Variants in SLC35F1 observed in about 807,000 individuals in gnomAD.
The protein encoded by SLC35F1 is chromosome 6 open reading frame 169.
A neutral mutation model predicts 48.7 loss-of-function variants in SLC35F1; 14 were observed. That is an observed-to-expected ratio of 0.29 (90% confidence interval 0.19 to 0.45). The LOEUF (loss-of-function observed/expected upper bound fraction) is 0.45, where lower values mean the gene tolerates loss of function less well. SLC35F1 is among the 20% of genes least tolerant of loss of function. The pLI is 1.00. For missense variants in SLC35F1, 404 were observed against 500.0 expected (o/e 0.81, Z 1.83); for synonymous variants, 190 against 202.2 (o/e 0.94, Z 0.51).
At chr6:118,287,850 T>C (rs1776069732) in intron 7 of SLC35F1, among the ~76,000 whole-genome samples, 1 of 152,202 alleles carries the variant, frequency 6.6e-6, no homozygotes, top group African/African-American at 2.4e-5. Flanking sequence ...ATTTGTATAT[T>C]ACTATTCATT....
chr6:118,286,994 C>A (rs1293150036), intron 7 of SLC35F1, among the ~76,000 whole-genome samples: 1 of 152,128 alleles, frequency 6.6e-6, no homozygotes, highest in Admixed American at 6.6e-5. Context: ...TATATGGAGC[C>A]TTTTGCCCAA....
At chr6:118,209,949 G>C (rs371375493) in intron 2 of SLC35F1, among the ~76,000 whole-genome samples, 1 of 152,166 alleles carries the variant, frequency 6.6e-6, no homozygotes, top group African/African-American at 2.4e-5. Flanking sequence ...GATTTGATTT[G>C]TACGTTTGCT....
At chr6:118,312,174 G>A (rs531840844) in intron 7 of SLC35F1, among the ~76,000 whole-genome samples, 2 of 152,314 alleles carry the variant, frequency 1.3e-5, no homozygotes, top group Admixed American at 1.3e-4. Context: ...CTGTAGTAGA[G>A]GCAGGTTCAC....
chr6:118,200,837 G>C (rs532367626), intron 2 of SLC35F1, among the ~76,000 whole-genome samples: 1 of 152,236 alleles, frequency 6.6e-6, no homozygotes, highest in African/African-American at 2.4e-5. Context: ...ACATCATGTG[G>C]CTTCCAGAAT....
At chr6:118,022,313 C>T (rs1441357837) in intron 1 of SLC35F1, among the ~76,000 whole-genome samples, 1 of 152,070 alleles carries the variant, frequency 6.6e-6, no homozygotes, top group Non-Finnish European at 1.5e-5. Flanking sequence ...GTATTAGTGA[C>T]CACAATTGCA....
intron 6 of SLC35F1, among the ~76,000 whole-genome samples, chr6:118,282,406 T>G (rs1181122174): frequency 1.4e-5 from 2 of 144,494 alleles, no homozygotes; most frequent in Non-Finnish European, 3.1e-5. Context: ...CCTGTCCCCC[T>G]ACCTCTAATT....
intron 2 of SLC35F1, among the ~76,000 whole-genome samples, chr6:118,207,684 G>A (rs945708960): frequency 6.6e-5 from 10 of 152,100 alleles, no homozygotes; most frequent in African/African-American, 2.4e-4. Flanking sequence ...AAACACTGAA[G>A]CAGTTTTCTG....
intron 1 of SLC35F1, among the ~76,000 whole-genome samples, chr6:118,073,956 A>T (rs1333550341): frequency 2.0e-5 from 3 of 152,202 alleles, no homozygotes; most frequent in African/African-American, 7.2e-5. Context: ...TATTGTTCTG[A>T]TATCAGCAAA....
At chr6:118,250,687 A>G (rs544378331) in intron 3 of SLC35F1, among the ~76,000 whole-genome samples, 2 of 152,142 alleles carry the variant, frequency 1.3e-5, no homozygotes, top group Non-Finnish European at 2.9e-5. Context: ...GAAATGAGTC[A>G]TGGCAGCCAG....
intron 2 of SLC35F1, among the ~76,000 whole-genome samples, chr6:118,219,945 A>T (rs1463562494): frequency 6.6e-6 from 1 of 151,910 alleles, no homozygotes. Context: ...TCATGTTCTC[A>T]CTCATAGGTG....
Position 118,040,611 on chromosome 6 carries a change from T to C in SLC35F1, c.174-113834T>C, listed in dbSNP as rs140964213. ...GTTTCCATAGTCAAATTAATTATTC[T>C]AGGCATCTGCATAGGATAGAATCTT... On this transcript the variant is annotated intron_variant, in intron 1 of 7. Coordinates refer to ENST00000360388, the MANE Select transcript of SLC35F1 (RefSeq NM_001029858.4). Among the ~76,000 whole-genome samples, 196 of 152,200 alleles carry C rather than the reference T, an allele frequency of 1.3e-3. 6 individuals are homozygous for C. The highest frequency in any genetic ancestry group is 2.5e-4 in the Non-Finnish European group (17 of 68,008).
rs867550848 is a variant in SLC35F1 at position 118,183,475 on chromosome 6, A to C, written c.349+28855A>C. 6.1e-4 allele frequency among the ~76,000 whole-genome samples: 93 copies of C among 152,176 alleles called. No individual in the cohort carries two copies. The Middle Eastern group carries it at 0.014, about 22-fold the overall frequency. ...CTGCACATTGTGCACATGTACCCTA[A>C]AACTTAAAGTATAATAATAATAAAA... On this transcript the variant is annotated intron_variant, in intron 2 of 7. Transcript: ENST00000360388.
intron 7 of SLC35F1, among the ~76,000 whole-genome samples, chr6:118,313,375 T>G (rs533944312): frequency 1.3e-5 from 2 of 152,308 alleles, no homozygotes; most frequent in East Asian, 3.9e-4. Flanking sequence ...CTATGAATTG[T>G]CAAGCAAGTA....
chr6:118,057,900 T>A (rs1254037776), intron 1 of SLC35F1, among the ~76,000 whole-genome samples: 2 of 152,116 alleles, frequency 1.3e-5, no homozygotes, highest in Non-Finnish European at 2.9e-5. Context: ...TTGCTAAATG[T>A]GTGGAAGCTT....
At chr6:118,095,879 TGTCACAC>T (rs1030247294) in intron 1 of SLC35F1, among the ~76,000 whole-genome samples, 8 of 152,200 alleles carry the variant, frequency 5.3e-5, no homozygotes, top group African/African-American at 1.9e-4. Flanking sequence ...ACTGGATGAA[TGTCACAC>T]ACACAGTTCA....
Position 118,121,335 on chromosome 6 carries a change from A to G in SLC35F1, c.174-33110A>G, listed in dbSNP as rs17079729. On this transcript the variant is annotated intron_variant, in intron 1 of 7. Coordinates refer to ENST00000360388, the MANE Select transcript of SLC35F1 (RefSeq NM_001029858.4). ...AACCTCTGAAAACACGTTGTAATCTAGACACCACCTTAAGGGCTTTTTATA... is the reference window on the plus strand; with the variant it reads ...AACCTCTGAAAACACGTTGTAATCTGGACACCACCTTAAGGGCTTTTTATA... Among the ~76,000 whole-genome samples, 98 of 152,350 alleles carry G rather than the reference A, an allele frequency of 6.4e-4. No homozygotes were observed. In the East Asian group the frequency reaches 0.011, roughly 17 times the overall value.
intron 2 of SLC35F1, among the ~76,000 whole-genome samples, chr6:118,208,120 C>T (rs925665497): frequency 1.2e-4 from 13 of 112,324 alleles, no homozygotes; most frequent in Non-Finnish European, 1.5e-4. Context: ...CGCGCGCGCG[C>T]GATCACACAC....
intron 1 of SLC35F1, among the ~76,000 whole-genome samples, chr6:117,929,851 G>A (rs1028175367): frequency 1.3e-5 from 2 of 152,072 alleles, no homozygotes; most frequent in Admixed American, 1.3e-4. Context: ...CACATAAAAC[G>A]AATCATCACA....
In SLC35F1 at chr6:117,994,821, T is replaced by C. The variant is rs570856239; in HGVS notation, c.173+86922T>C. On this transcript the variant is annotated intron_variant, in intron 1 of 7. Coordinates refer to ENST00000360388, the MANE Select transcript of SLC35F1 (RefSeq NM_001029858.4). ...AAAAGCTATGACAGATAAGTACATA[T>C]ATATATATCTTATTGAATCATTTCT... Among the ~76,000 whole-genome samples, 5 of 152,338 alleles carry C rather than the reference T, an allele frequency of 3.3e-5. No homozygotes were observed. The South Asian group carries it at 8.3e-4, about 25-fold the overall frequency.
Sources: allele counts gnomAD v4.1 joint callset (sites outside exome capture counted in the v4.1 genomes callset), GRCh38; gene constraint gnomAD v4.1.1; transcripts MANE v1.5; gene names NCBI Gene and HGNC (gene_info 2026-07-23, HGNC 2026-07-21).